Variants in ADAMTSL4 observed in about 807,000 individuals in gnomAD.
The protein encoded by ADAMTSL4 is ADAMTS-like protein 4.
Under a neutral mutation model 122.8 loss-of-function variants are expected in ADAMTSL4, and 97 were observed. The ratio of observed to expected loss-of-function variants is 0.79; its 90% confidence interval spans 0.67 to 0.93. The LOEUF (loss-of-function observed/expected upper bound fraction) is 0.93. ADAMTSL4 is among the 40% of genes least tolerant of loss of function. The pLI is 0.00. For synonymous variants in ADAMTSL4, 592 were observed against 568.0 expected (o/e 1.04, Z -0.60); for missense variants, 1,408 against 1,453.5 (o/e 0.97, Z 0.51).
Position 150,560,472 on chromosome 1 carries a change from G to A in ADAMTSL4, c.*276G>A, listed in dbSNP as rs181259344. The A allele has an allele frequency of 7.7e-5, 41 of 532,474 alleles. No homozygotes were observed. The East Asian group carries it at 1.3e-3, about 16-fold the overall frequency. 33.0% of individuals were successfully genotyped at this position (532,474 alleles called of 1,614,324 possible). ...AAACGTGTATCACTTTTCAAAAAGA[G>A]GTTACACAGACTGAGAAGGACAAGA... On this transcript the variant is annotated 3_prime_UTR_variant, in exon 19 of 19. Transcript: ENST00000271643.
In ADAMTSL4 at chr1:150,553,462, C is replaced by T. The variant is rs999518557; in HGVS notation, c.471C>T (p.Phe157=). ...RLRDPIKPGM[F]GYGRVPFALP... ...GAGACCCCATCAAGCCAGGAATGTT[C>T]GGTTATGGGAGAGTGCCCTTTGCAT... Residue 157 remains phenylalanine, a synonymous_variant, in exon 6 of 19, where the codon TTC becomes TTT. Transcript: ENST00000271643. 1.1e-5 allele frequency: 17 copies of T among 1,613,796 alleles called. No homozygotes were observed. Among genetic ancestry groups the T allele is most frequent in the Non-Finnish European group, 1.4e-5 (17 of 1,179,978 alleles).
In ADAMTSL4 at chr1:150,554,850, C is replaced by A; in HGVS notation, c.1234+383C>A. On this transcript the variant is annotated intron_variant, in intron 7 of 18. Transcript: ENST00000271643. This position sits in a 1 kb window ranked among gnomAD's most constrained non-coding sequence, Gnocchi z 4.0. ...GTTGCTCCCAGGTTACCATCCGCTT[C>A]ATTTTAGGCCTGTGTTAACTTGACA... The A allele has an allele frequency of 3.4e-6, 2 of 595,918 alleles. No homozygotes were observed. Among genetic ancestry groups the A allele is most frequent in the East Asian group, 5.7e-5 (2 of 35,356 alleles). The allele number at this position is 595,918 out of a possible 1,614,324, so 36.9% of individuals were successfully genotyped here.
In ADAMTSL4 at chr1:150,559,819, A is replaced by C. The variant is rs1341518841; in HGVS notation, c.3002A>C (p.Asn1001Thr). Residue 1001 changes from asparagine (N) to threonine (T), a missense_variant, in exon 18 of 19, where the codon AAC becomes ACC. Transcript: ENST00000271643. The surrounding 1 kb of genome is among the most constrained non-coding windows in gnomAD (Gnocchi z 4.1). ...QTREVQCLST[N>T]QTLSTRCPPQ... The stretch of plus-strand genomic sequence containing the variant: ...CGGGAGGTCCAGTGCCTGAGCACCA[A>C]CCAGACCCTCAGCACCCGATGCCCT... 6.2e-7 allele frequency: 1 copy of C among 1,613,942 alleles called. No individual in the cohort carries two copies. Among genetic ancestry groups the C allele is most frequent in the Non-Finnish European group, 8.5e-7 (1 of 1,179,976 alleles).
rs1001073707 is a variant in ADAMTSL4 at position 150,550,510 on chromosome 1, G to A, written c.-85+615G>A. ...GACCCGTGGAGAGGGGCTGCGAGAA[G>A]AGATCTCGGTGGCAGAGAGAAGCAG... On this transcript the variant is annotated intron_variant, in intron 2 of 18. Transcript: ENST00000271643. 7.9e-5 allele frequency: 29 copies of A among 368,986 alleles called. No homozygotes were observed. The Admixed American group carries it at 8.7e-4, about 11-fold the overall frequency. 22.9% of individuals were successfully genotyped at this position (368,986 alleles called of 1,614,324 possible).
At chr1:150,551,156 G>A (rs1157616366) in intron 2 of ADAMTSL4, 2 of 370,414 alleles carry the variant, frequency 5.4e-6, no homozygotes, top group Non-Finnish European at 1.1e-5. Context: ...TGGACTTCCC[G>A]GCTCTTCAGA....
rs1400279688 is a variant in ADAMTSL4 at position 150,553,057 on chromosome 1, C to T, written c.238C>T (p.Pro80Ser). 1.2e-6 allele frequency: 2 copies of T among 1,613,340 alleles called. No homozygotes were observed. Among genetic ancestry groups the T allele is most frequent in the Non-Finnish European group, 8.5e-7 (1 of 1,179,850 alleles). Reference protein sequence around the residue: ...TCQLPTVQLHPSLPLPPRPPR... With the variant: ...TCQLPTVQLHSSLPLPPRPPR... ...TCAGCTCCCTACAGTGCAGCTCCAC[C>T]CGAGTCTGCCCCTCCCTCCCCGGCC... Residue 80 changes from proline to serine, a missense_variant, in exon 5 of 19, where the codon CCG becomes TCG. Coordinates refer to ENST00000271643, the MANE Select transcript of ADAMTSL4 (RefSeq NM_019032.6).
Position 150,557,013 on chromosome 1 carries a change from C to A in ADAMTSL4, c.1824C>A (p.Asn608Lys), listed in dbSNP as rs762772688. 1.2e-6 allele frequency: 2 copies of A among 1,613,986 alleles called. No individual in the cohort carries two copies. The highest frequency in any genetic ancestry group is 1.1e-5 in the South Asian group (1 of 91,078). The change falls in exon 11 of 19, where the codon AAC becomes AAA. Residue 608 changes from asparagine to lysine, a missense_variant. Physicochemically the swap from Asn to Lys is moderately conservative, Grantham distance 94 (BLOSUM62 0). Coordinates refer to ENST00000271643, the MANE Select transcript of ADAMTSL4 (RefSeq NM_019032.6). Reference sequence around the variant, plus strand: ...CTTCACCTCCTCCAATCCTTGAGAACCCCACCCCAGAGCCCCCTGTCCCCC... The same window carrying A: ...CTTCACCTCCTCCAATCCTTGAGAAACCCACCCCAGAGCCCCCTGTCCCCC... ...VISSPPPILE[N>K]PTPEPPVPQL...
In ADAMTSL4 at chr1:150,556,470, G is replaced by C; in HGVS notation, c.1576+104G>C. ...CAAACAGGGGGAAGTCCAGGGCCTA[G>C]CCCCTCCCCTCGTGGAAGGAGTGAG... is the stretch of plus-strand genomic sequence containing the variant. On this transcript the variant is annotated intron_variant, in intron 9 of 18. Coordinates refer to ENST00000271643, the MANE Select transcript of ADAMTSL4 (RefSeq NM_019032.6). This position sits in a 1 kb window ranked among gnomAD's most constrained non-coding sequence, Gnocchi z 4.1. 6.4e-7 allele frequency: 1 copy of C among 1,566,494 alleles called. No homozygotes were observed. Among genetic ancestry groups the C allele is most frequent in the South Asian group, 1.1e-5 (1 of 88,958 alleles).
chr1:150,557,132 G>A lies in ADAMTSL4; in HGVS notation c.1862-18G>A, dbSNP rs764317311. On this transcript the variant is annotated intron_variant, in intron 11 of 18. Transcript: ENST00000271643. ...GGGGCAGTGGGGTGGCATCTGATTCGCCTGCTCCCCTGCACAGAGATTCTG... is the reference window on the plus strand; with the variant it reads ...GGGGCAGTGGGGTGGCATCTGATTCACCTGCTCCCCTGCACAGAGATTCTG... 3.1e-5 allele frequency: 50 copies of A among 1,612,568 alleles called. No individual in the cohort carries two copies. Among genetic ancestry groups the A allele is most frequent in the Non-Finnish European group, 4.0e-5 (47 of 1,179,866 alleles).
rs1446568698 is a variant in ADAMTSL4, at chr1:150,560,374, TGTG to T, written c.*185_*187del. ...ACTTTCAGGGCTGTGGTCAGGCCCA[TGTG>T]GTGGTGTGATGGGTGTGTGCACATA... On this transcript the variant is annotated 3_prime_UTR_variant, in exon 19 of 19. Coordinates refer to ENST00000271643, the MANE Select transcript of ADAMTSL4 (RefSeq NM_019032.6). The T allele has an allele frequency of 2.1e-6, 2 of 968,062 alleles. No homozygotes were observed. Among genetic ancestry groups the T allele is most frequent in the Non-Finnish European group, 3.0e-6 (2 of 658,600 alleles). 60.0% of individuals were successfully genotyped at this position (968,062 alleles called of 1,614,324 possible).
intron 12 of ADAMTSL4, 40 bp from the exon 13 acceptor site, chr1:150,557,454 C>G (rs1198827244): frequency 6.2e-7 from 1 of 1,612,672 alleles, no homozygotes; most frequent in East Asian, 2.2e-5. Context: ...AGCTTGGGCT[C>G]TAGCCTCCTG....
intron 5 of ADAMTSL4, 64 bp downstream of exon 5, chr1:150,553,317 G>A (rs191270860): frequency 2.4e-5 from 38 of 1,606,168 alleles, no homozygotes; most frequent in Non-Finnish European, 3.2e-5. Flanking sequence ...GAAGGAAAGG[G>A]GAGCACGGGT....
In ADAMTSL4 at chr1:150,560,336, C is replaced by G; in HGVS notation, c.*140C>G. On this transcript the variant is annotated 3_prime_UTR_variant, in exon 19 of 19. Transcript: ENST00000271643. ...CAGGTGACAGAGGGTGGCAAGGTGA[C>G]TGACACAAAGTGACTTTCAGGGCTG... 1 of 1,359,242 alleles carries G rather than the reference C, an allele frequency of 7.4e-7. No homozygotes were observed. The highest frequency in any genetic ancestry group is 1.0e-6 in the Non-Finnish European group (1 of 1,002,662). The allele number at this position is 1,359,242 out of a possible 1,614,324, so 84.2% of individuals were successfully genotyped here.
rs1255749236 is a variant in ADAMTSL4, at chr1:150,559,312, C to T, written c.2789C>T (p.Thr930Ile). ...GECSSECGSG[T>I]QRRDIICVSK... ...TGCTCCTCCGAATGTGGCTCTGGCA[C>T]ACAGCGTAGAGACATCATCTGTGTA... Residue 930 changes from threonine to isoleucine, a missense_variant, in exon 17 of 19, where the codon ACA becomes ATA. Coordinates refer to ENST00000271643, the MANE Select transcript of ADAMTSL4 (RefSeq NM_019032.6). This position sits in a 1 kb window ranked among gnomAD's most constrained non-coding sequence, Gnocchi z 4.1. 1.9e-6 allele frequency: 3 copies of T among 1,613,958 alleles called. No individual in the cohort carries two copies. The highest frequency in any genetic ancestry group is 3.3e-5 in the Admixed American group (2 of 60,012).
rs61683397 is a variant in ADAMTSL4 at position 150,558,495 on chromosome 1, G to A, written c.2405G>A (p.Gly802Asp). The A allele has an allele frequency of 1.2e-6, 2 of 1,613,738 alleles. No homozygotes were observed. Among genetic ancestry groups the A allele is most frequent in the Admixed American group, 3.3e-5 (2 of 60,030 alleles). ...WSQCSVRCGR[G>D]QRSRQVRCVG... ...CAGTGCTCCGTGCGGTGCGGCCGGG[G>A]CCAGAGAAGCCGGCAGGTTCGCTGT... The change falls in exon 15 of 19, where the codon GGC becomes GAC. Residue 802 changes from glycine to aspartate, a missense_variant. Coordinates refer to ENST00000271643, the MANE Select transcript of ADAMTSL4 (RefSeq NM_019032.6).
In ADAMTSL4 at chr1:150,552,153, C is replaced by A; in HGVS notation, c.-84-52C>A. 1.1e-6 allele frequency: 1 copy of A among 910,834 alleles called. No homozygotes were observed. The highest frequency in any genetic ancestry group is 1.7e-6 in the Non-Finnish European group (1 of 596,768). The allele number at this position is 910,834 out of a possible 1,614,324, so 56.4% of individuals were successfully genotyped here. A position where few individuals can be genotyped will look rare whatever the true frequency, so the allele number is the denominator to read the frequency against. ...ATATTCTCTGAGCTGTCCTCCCAGC[C>A]CCAAGCTCTCTGGACACTGGAGAGG... On this transcript the variant is annotated intron_variant, in intron 2 of 18. Transcript: ENST00000271643. This position sits in a 1 kb window ranked among gnomAD's most constrained non-coding sequence, Gnocchi z 4.0.
rs997827409 is a variant in ADAMTSL4, at chr1:150,560,663, C to T, written c.*467C>T. 1.6e-5 allele frequency: 3 copies of T among 191,876 alleles called. No homozygotes were observed. Among genetic ancestry groups the T allele is most frequent in the African/African-American group, 7.0e-5 (3 of 42,980 alleles). The allele number at this position is 191,876 out of a possible 1,614,324, so 11.9% of individuals were successfully genotyped here. On this transcript the variant is annotated 3_prime_UTR_variant, in exon 19 of 19. Transcript: ENST00000271643. ...CTTCTAAGCCGCCCTGTGTCTCTGA[C>T]CCCTTCTCATTTGCCTAGTATCTCT...
chr1:150,558,514 T>G lies in ADAMTSL4; in HGVS notation c.2424T>G (p.Val808=). Reference sequence around the variant, plus strand: ...GCCGGGGCCAGAGAAGCCGGCAGGTTCGCTGTGTTGGGAACAATGGTGATG... The same window carrying G: ...GCCGGGGCCAGAGAAGCCGGCAGGTGCGCTGTGTTGGGAACAATGGTGATG... ...RCGRGQRSRQ[V]RCVGNNGDEV... is the part of the protein sequence containing the mutation. Residue 808 remains valine (V), a synonymous_variant, in exon 15 of 19, where the codon GTT becomes GTG. Transcript: ENST00000271643. 6.2e-7 allele frequency: 1 copy of G among 1,613,836 alleles called. No individual in the cohort carries two copies.
chr1:150,556,534 G>A lies in ADAMTSL4; in HGVS notation c.1577-87G>A. The A allele has an allele frequency of 1.3e-6, 2 of 1,591,998 alleles. No homozygotes were observed. Among genetic ancestry groups the A allele is most frequent in the South Asian group, 2.2e-5 (2 of 90,082 alleles). ...CTTGGGGGGATCTTAGGTTCTGGTG[G>A]GAGCTTCTATAGGCTAAGGACACGG... On this transcript the variant is annotated intron_variant, in intron 9 of 18. Transcript: ENST00000271643. This position sits in a 1 kb window ranked among gnomAD's most constrained non-coding sequence, Gnocchi z 4.1.
Sources: gnomAD v4.1 joint callset for allele counts on GRCh38, gnomAD v4.1.1 for gene constraint, Gnocchi (gnomAD v3.1) non-coding constraint, MANE v1.5 for transcripts, NCBI Gene and HGNC (gene_info 2026-07-23, HGNC 2026-07-21) for gene names.